DOCK5: variants seen among roughly 807,000 people sequenced by gnomAD.
The protein encoded by DOCK5 is dedicator of cytokinesis protein 5.
In DOCK5, 142 loss-of-function variants were observed where a neutral mutation model predicts 251.8. That is an observed-to-expected ratio of 0.56 (90% CI 0.49 to 0.65). The LOEUF (loss-of-function observed/expected upper bound fraction) is 0.65. Among genes scored for constraint, DOCK5 ranks in the 30% least tolerant of loss-of-function variants. DOCK5 has a pLI of 0.00. For synonymous variants in DOCK5, 842 were observed against 835.5 expected (o/e 1.01, Z -0.13); for missense variants, 2,111 against 2,312.3 (o/e 0.91, Z 1.79).
chr8:25,242,712 G>A (rs555704937), intron 1 of DOCK5, among the ~76,000 whole-genome samples: 12 of 152,128 alleles, frequency 7.9e-5, no homozygotes, highest in East Asian at 5.8e-4. Flanking sequence ...TTCACAACCC[G>A]GCCCAGCCAT....
intron 26 of DOCK5, among the ~76,000 whole-genome samples, chr8:25,347,709 C>G (rs1276498065): frequency 6.6e-6 from 1 of 152,168 alleles, no homozygotes; most frequent in Non-Finnish European, 1.5e-5. Context: ...ACACAAGAAT[C>G]AGAGCATTGG....
chr8:25,333,423 C>T (rs766978967), intron 20 of DOCK5, among the ~76,000 whole-genome samples: 7 of 152,108 alleles, frequency 4.6e-5, no homozygotes, highest in Non-Finnish European at 1.0e-4. Flanking sequence ...GAAAAGGCCA[C>T]CTACTTGAGA....
rs77875057 is a variant in DOCK5 at position 25,320,313 on chromosome 8, C to T, written c.1542+637C>T. On this transcript the variant is annotated intron_variant, in intron 15 of 51. Coordinates refer to ENST00000276440, the MANE Select transcript of DOCK5 (RefSeq NM_024940.8). ...AAATTTTTTAATTGCATTCATATAT[C>T]TCAATTTAGAATTAACCATTTTCAA... 5.1e-3 allele frequency among the ~76,000 whole-genome samples: 777 copies of T among 152,280 alleles called. 6 individuals carry two copies. The highest frequency in any genetic ancestry group is 0.018 in the African/African-American group (746 of 41,546).
intron 1 of DOCK5, among the ~76,000 whole-genome samples, chr8:25,196,948 C>T (rs1300278631): frequency 6.6e-6 from 1 of 152,116 alleles, no homozygotes; most frequent in East Asian, 1.9e-4. Flanking sequence ...CCTGTAATCC[C>T]AGCACTTTAG....
At chr8:25,381,442 T>C (rs564876184) in intron 39 of DOCK5, among the ~76,000 whole-genome samples, 4 of 152,148 alleles carry the variant, frequency 2.6e-5, no homozygotes, top group South Asian at 2.1e-4. Context: ...CTGAGCAACA[T>C]AGTAAGACAC....
intron 2 of DOCK5, among the ~76,000 whole-genome samples, chr8:25,251,992 C>A (rs1427223534): frequency 1.5e-5 from 2 of 136,294 alleles, no homozygotes; most frequent in Non-Finnish European, 1.6e-5. Context: ...GACTCTATCT[C>A]AAAAAAAAAA....
chr8:25,403,447 A>G, intron 47 of DOCK5, 111 bp from the exon 48 acceptor site: 1 of 1,134,092 alleles, frequency 8.8e-7, no homozygotes, highest in Non-Finnish European at 1.3e-6. Flanking sequence ...TGCCAGCCAC[A>G]TAACCAGTAC....
chr8:25,384,736 A>G lies in DOCK5; in HGVS notation c.4131+1958A>G, dbSNP rs962702893. 4.6e-5 allele frequency among the ~76,000 whole-genome samples: 7 copies of G among 152,104 alleles called. No homozygotes were observed. The East Asian group carries it at 1.4e-3, about 30-fold the overall frequency. ...CAGCCTCCCAAAGTTTTGGAATTAT[A>G]GGCATGAGCCACCGTGCCCAGCCTA... is the stretch of plus-strand genomic sequence containing the variant. On this transcript the variant is annotated intron_variant, in intron 40 of 51. Transcript: ENST00000276440.
At chr8:25,352,586 G>C (rs181153550) in intron 27 of DOCK5, among the ~76,000 whole-genome samples, 4 of 152,208 alleles carry the variant, frequency 2.6e-5, no homozygotes, top group African/African-American at 9.6e-5. Flanking sequence ...AATCGAATTA[G>C]ATTTTAATTA....
At chr8:25,310,128 T>G (rs1431091348) in intron 12 of DOCK5, among the ~76,000 whole-genome samples, 1 of 152,166 alleles carries the variant, frequency 6.6e-6, no homozygotes, top group Non-Finnish European at 1.5e-5. Context: ...GGATCACAGA[T>G]GGTTGTAGCT....
chr8:25,201,422 C>T (rs1801876107), intron 1 of DOCK5, among the ~76,000 whole-genome samples: 2 of 152,186 alleles, frequency 1.3e-5, no homozygotes, highest in Admixed American at 6.5e-5. Context: ...AACAGTATCA[C>T]TAACATTACA....
At chr8:25,300,481 C>A in intron 8 of DOCK5, 95 bp from the exon 9 acceptor site, 1 of 1,139,466 alleles carries the variant, frequency 8.8e-7, no homozygotes. Context: ...CATTTCTGGC[C>A]TTTCCTCCTT....
At chr8:25,278,036 G>A (rs182353706) in intron 4 of DOCK5, among the ~76,000 whole-genome samples, 4 of 152,210 alleles carry the variant, frequency 2.6e-5, no homozygotes, top group Admixed American at 6.5e-5. Flanking sequence ...TTAAGTGTAC[G>A]TTTTCTGTGT....
At chr8:25,235,385 C>A (rs112307709) in intron 1 of DOCK5, among the ~76,000 whole-genome samples, 1 of 152,164 alleles carries the variant, frequency 6.6e-6, no homozygotes, top group Non-Finnish European at 1.5e-5. Flanking sequence ...CTCACCCTCT[C>A]GGGTAGCTAG....
At position 25,376,288 on chromosome 8, in the gene DOCK5, CT is replaced by C. The variant is rs147202407; in HGVS notation, c.3817-1010del. 3.3e-3 allele frequency: 3,275 copies of C among 985,168 alleles called. 80 individuals are homozygous for C. In the African/African-American group the frequency reaches 0.052, roughly 16 times the overall value. The allele number at this position is 985,168 out of a possible 1,614,324, so 61.0% of individuals were successfully genotyped here. A position where few individuals can be genotyped will look rare whatever the true frequency, so the allele number is the denominator to read the frequency against. On this transcript the variant is annotated intron_variant, in intron 37 of 51. Coordinates refer to ENST00000276440, the MANE Select transcript of DOCK5 (RefSeq NM_024940.8). ...TGTAAGATATGAGGTATGAATGCAGCTTTTTTTCCCCCCAGATTGCTATTCA... is the reference window on the plus strand; with the variant it reads ...TGTAAGATATGAGGTATGAATGCAGCTTTTTTCCCCCCAGATTGCTATTCA...
intron 8 of DOCK5, chr8:25,299,365 A>G: frequency 5.1e-6 from 2 of 388,858 alleles, no homozygotes; most frequent in East Asian, 9.4e-5. Context: ...AAAGAATTCA[A>G]AACAGTGTGT....
At chr8:25,336,168 T>C in intron 21 of DOCK5, 71 bp from the exon 22 acceptor site, 19 of 1,524,254 alleles carry the variant, frequency 1.2e-5, no homozygotes, top group Non-Finnish European at 1.7e-5. Context: ...GTTCCCCTCT[T>C]AGATAACTTA....
At chr8:25,360,404 C>G (rs975983211) in intron 28 of DOCK5, among the ~76,000 whole-genome samples, 3 of 151,952 alleles carry the variant, frequency 2.0e-5, no homozygotes, top group East Asian at 3.9e-4. Context: ...CTGTGGAGAC[C>G]AGGCGCAAGA....
At chr8:25,400,117 A>T in intron 46 of DOCK5, 123 bp downstream of exon 46, 2 of 723,028 alleles carry the variant, frequency 2.8e-6, no homozygotes, top group Non-Finnish European at 4.6e-6. Context: ...AACCCTTGTG[A>T]AAGCACCACC....
Sources: allele counts gnomAD v4.1 joint callset (sites outside exome capture counted in the v4.1 genomes callset), GRCh38; gene constraint gnomAD v4.1.1; transcripts MANE v1.5; gene names NCBI Gene and HGNC (gene_info 2026-07-23, HGNC 2026-07-21).